Variants in PHACTR3 observed in about 807,000 individuals in gnomAD.
PHACTR3 encodes protein phosphatase 1, regulatory subunit 123.
In PHACTR3, 16 loss-of-function variants were observed where a neutral mutation model predicts 66.8. The ratio of observed to expected loss-of-function variants is 0.24; its 90% CI spans 0.16 to 0.36. The LOEUF is 0.36. Ranked by LOEUF, PHACTR3 falls within the 10% of genes least tolerant of loss-of-function variation. PHACTR3 has a pLI of 1.00. For synonymous variants in PHACTR3, 323 were observed against 292.1 expected, an observed-to-expected ratio of 1.11 and a Z score of -1.08; for missense variants, 647 against 719.9, an observed-to-expected ratio of 0.90 and a Z score of 1.16.
intron 4 of PHACTR3, among the ~76,000 whole-genome samples, chr20:59,758,230 G>A (rs966252259): frequency 6.6e-6 from 1 of 152,182 alleles, no homozygotes; most frequent in Non-Finnish European, 1.5e-5. Context: ...TGAATGGCAT[G>A]TGGACAGACA....
chr20:59,769,217 C>T (rs1019564063), intron 5 of PHACTR3, among the ~76,000 whole-genome samples: 2 of 152,252 alleles, frequency 1.3e-5, no homozygotes, highest in African/African-American at 4.8e-5. Flanking sequence ...CACATTGCCC[C>T]ACCTTGTTTA....
intron 1 of PHACTR3, among the ~76,000 whole-genome samples, chr20:59,647,294 G>C (rs2035311374): frequency 6.6e-6 from 1 of 152,162 alleles, no homozygotes; most frequent in African/African-American, 2.4e-5. Flanking sequence ...AAAACAGTAG[G>C]GGGGAACCAC....
intron 3 of PHACTR3, among the ~76,000 whole-genome samples, chr20:59,750,259 G>T (rs921238599): frequency 6.6e-6 from 1 of 151,850 alleles, no homozygotes; most frequent in African/African-American, 2.4e-5. Context: ...TCCAAAGGTG[G>T]GCAGGAGGAC....
At chr20:59,841,745 A>G (rs368561271) in intron 11 of PHACTR3, among the ~76,000 whole-genome samples, 5 of 152,258 alleles carry the variant, frequency 3.3e-5, no homozygotes, top group African/African-American at 1.2e-4. Context: ...ACATTTGGCA[A>G]TGTCTAGAGA....
rs539197395 is a variant in PHACTR3, at chr20:59,620,022, C to T, written c.118+14890C>T. On this transcript the variant is annotated intron_variant, in intron 1 of 12. Transcript: ENST00000371015. ...CACCCTCCCTGTTGGCACACAGGACCTGGAGGGGTGCCCCTCCGAGGCCCT... is the reference window on the plus strand; with the variant it reads ...CACCCTCCCTGTTGGCACACAGGACTTGGAGGGGTGCCCCTCCGAGGCCCT... Among the ~76,000 whole-genome samples, 12 of 152,294 alleles carry T rather than the reference C, an allele frequency of 7.9e-5. 1 individual carries two copies. In the South Asian group the frequency reaches 2.5e-3, roughly 32 times the overall value.
chr20:59,647,005 G>A (rs2035302569), intron 1 of PHACTR3, among the ~76,000 whole-genome samples: 1 of 152,026 alleles, frequency 6.6e-6, no homozygotes, highest in Non-Finnish European at 1.5e-5. Context: ...TTTAAACATG[G>A]TGGTTGCAGT....
intron 1 of PHACTR3, among the ~76,000 whole-genome samples, chr20:59,628,997 A>G (rs1195455016): frequency 6.6e-6 from 1 of 152,192 alleles, no homozygotes; most frequent in Non-Finnish European, 1.5e-5. Context: ...AACTAAACCA[A>G]CTAAACCAGA....
intron 1 of PHACTR3, among the ~76,000 whole-genome samples, chr20:59,660,018 A>G (rs2035757226): frequency 6.6e-6 from 1 of 152,138 alleles, no homozygotes; most frequent in Non-Finnish European, 1.5e-5. Context: ...CCCTGCCCCC[A>G]GCCTTCAATA....
At chr20:59,759,828 A>T (rs1333646982) in intron 4 of PHACTR3, among the ~76,000 whole-genome samples, 1 of 152,206 alleles carries the variant, frequency 6.6e-6, no homozygotes, top group African/African-American at 2.4e-5. Flanking sequence ...CTAATGGCAG[A>T]CAAAGCCAGA....
chr20:59,688,315 G>A lies in PHACTR3; in HGVS notation c.119-54792G>A, dbSNP rs371209646. Among the ~76,000 whole-genome samples the A allele has an allele frequency of 3.9e-5, 6 of 152,322 alleles. No individual in the cohort carries two copies. In the East Asian group the frequency reaches 1.2e-3, roughly 29 times the overall value. On this transcript the variant is annotated intron_variant, in intron 1 of 12. Transcript: ENST00000371015. The stretch of plus-strand genomic sequence containing the variant: ...AGTGGAAGGCAGGATAGAGGAGTGA[G>A]AATAGACCAAATGGATGTTTGGGGT...
At chr20:59,708,500 C>T (rs575202293) in intron 1 of PHACTR3, among the ~76,000 whole-genome samples, 46 of 152,146 alleles carry the variant, frequency 3.0e-4, no homozygotes, top group Non-Finnish European at 4.7e-4. Flanking sequence ...CAGAATAAGT[C>T]CCATGTGCAG....
At chr20:59,598,209 G>C (rs543204866) in intron 1 of PHACTR3, among the ~76,000 whole-genome samples, 2 of 152,236 alleles carry the variant, frequency 1.3e-5, no homozygotes, top group Non-Finnish European at 1.5e-5. Context: ...CTGCCTCATA[G>C]ATAGGCCCCT....
chr20:59,717,699 A>T (rs1436794770), intron 1 of PHACTR3, among the ~76,000 whole-genome samples: 2 of 152,136 alleles, frequency 1.3e-5, no homozygotes. Flanking sequence ...CTTGTTAGAG[A>T]TCTCTAAAGA....
At chr20:59,784,293 C>T (rs1187838236) in intron 7 of PHACTR3, among the ~76,000 whole-genome samples, 1 of 147,976 alleles carries the variant, frequency 6.8e-6, no homozygotes, top group Non-Finnish European at 1.5e-5. Flanking sequence ...CACACATATG[C>T]ACATATATGT....
At chr20:59,596,813 G>A (rs2033337367) in intron 1 of PHACTR3, among the ~76,000 whole-genome samples, 1 of 152,210 alleles carries the variant, frequency 6.6e-6, no homozygotes, top group Non-Finnish European at 1.5e-5. Context: ...GTGCATAGCA[G>A]GTACTCAACA....
intron 7 of PHACTR3, among the ~76,000 whole-genome samples, chr20:59,793,803 A>G (rs1345738168): frequency 6.6e-6 from 1 of 151,050 alleles, no homozygotes; most frequent in African/African-American, 2.4e-5. Context: ...GACTTCTAGT[A>G]TTTTGTTGAA....
intron 1 of PHACTR3, among the ~76,000 whole-genome samples, chr20:59,605,846 C>CGGGGGGGGG (rs200107140): frequency 1.3e-3 from 10 of 7,764 alleles, no homozygotes; most frequent in African/African-American, 7.4e-3. Flanking sequence ...CCTAATAAAG[C>CGGGGGGGGG]GGGGGGGGAG....
intron 1 of PHACTR3, among the ~76,000 whole-genome samples, chr20:59,695,969 G>A (rs986483407): frequency 6.6e-6 from 1 of 152,086 alleles, no homozygotes; most frequent in East Asian, 1.9e-4. Context: ...CTGACCTCAA[G>A]TGATCCACCC....
At chr20:59,775,633 G>T (rs573801142) in intron 7 of PHACTR3, among the ~76,000 whole-genome samples, 1 of 152,182 alleles carries the variant, frequency 6.6e-6, no homozygotes, top group Admixed American at 6.5e-5. Flanking sequence ...GACTGCCACC[G>T]CGGAACCAGT....
Sources: gnomAD v4.1 joint callset for allele counts (sites outside exome capture counted in the v4.1 genomes callset) on GRCh38, gnomAD v4.1.1 for gene constraint, MANE v1.5 for transcripts, NCBI Gene and HGNC (gene_info 2026-07-23, HGNC 2026-07-21) for gene names.